The following TMCO1 variants were observed in gnomAD, a reference collection of about 807,000 sequenced individuals.
TMCO1 encodes the protein calcium load-activated calcium channel.
In TMCO1, 29 loss-of-function variants were observed where a neutral mutation model predicts 29.3. The observed-to-expected ratio is 0.99, with a 90% CI of 0.74 to 1.35. The LOEUF (loss-of-function observed/expected upper bound fraction) is 1.35. TMCO1 is among the 40% of genes most tolerant of loss of function. The pLI, the probability that TMCO1 is intolerant of heterozygous loss-of-function variation, is 0.00. For missense variants in TMCO1, 173 were observed against 225.5 expected, an observed-to-expected ratio of 0.77 and a Z score of 1.49; for synonymous variants, 80 against 77.1, an observed-to-expected ratio of 1.04 and a Z score of -0.20.
intron 5 of TMCO1, among the ~76,000 whole-genome samples, chr1:165,746,080 G>A (rs1651785176): frequency 6.6e-6 from 1 of 152,198 alleles, no homozygotes; most frequent in Non-Finnish European, 1.5e-5. Context: ...AGGAGTTTGA[G>A]ACCAGCCTGG....
intron 6 of TMCO1, among the ~76,000 whole-genome samples, chr1:165,733,481 A>G (rs928604996): frequency 1.3e-5 from 2 of 152,042 alleles, no homozygotes; most frequent in Non-Finnish European, 2.9e-5. Context: ...TGCGCCTGTA[A>G]TCCTAGCTAC....
chr1:165,730,217 T>A (rs1464635280), intron 6 of TMCO1, among the ~76,000 whole-genome samples: 2 of 150,504 alleles, frequency 1.3e-5, no homozygotes, highest in African/African-American at 4.9e-5. Context: ...GCGCCTGTAG[T>A]CCCAGCTACT....
chr1:165,727,809 C>A lies in TMCO1; in HGVS notation c.*214G>T. 1 of 500,128 alleles carries A rather than the reference C, an allele frequency of 2.0e-6. No homozygotes were observed. Among genetic ancestry groups the A allele is most frequent in the Non-Finnish European group, 3.9e-6 (1 of 257,042 alleles). 31.0% of individuals were successfully genotyped at this position (500,128 alleles called of 1,614,324 possible). A position where few individuals can be genotyped will look rare whatever the true frequency, so the allele number is the denominator to read the frequency against. On this transcript the variant is annotated 3_prime_UTR_variant, in exon 7 of 7. Transcript: ENST00000367881. ...CATTACCTGAACTTAACTAATCAAT[C>A]CACTTATTTGATAAAAATCATCTAG...
intron 6 of TMCO1, among the ~76,000 whole-genome samples, chr1:165,740,142 T>A (rs1651538035): frequency 6.6e-6 from 1 of 151,584 alleles, no homozygotes; most frequent in Non-Finnish European, 1.5e-5. Flanking sequence ...AACAACAAAC[T>A]CAGAATTGCT....
At chr1:165,752,232 A>G in intron 4 of TMCO1, 63 bp from the exon 5 acceptor site, 1 of 1,316,142 alleles carries the variant, frequency 7.6e-7, no homozygotes, top group Non-Finnish European at 1.1e-6. Flanking sequence ...AGCATATCTC[A>G]AAAGTTTTGG....
At chr1:165,731,592 A>T (rs1356805717) in intron 6 of TMCO1, among the ~76,000 whole-genome samples, 1 of 152,252 alleles carries the variant, frequency 6.6e-6, no homozygotes, top group East Asian at 1.9e-4. Flanking sequence ...GATTTAAAGA[A>T]GATGATTGAA....
chr1:165,729,718 T>G (rs1335190598), intron 6 of TMCO1, among the ~76,000 whole-genome samples: 1 of 152,162 alleles, frequency 6.6e-6, no homozygotes, highest in Non-Finnish European at 1.5e-5. Context: ...CTCAGAAAGG[T>G]ATGATGGATG....
intron 4 of TMCO1, 82 bp from the exon 5 acceptor site, chr1:165,752,251 CATTTTTTTT>C: frequency 1.0e-5 from 7 of 672,534 alleles, no homozygotes; most frequent in South Asian, 3.4e-5. Context: ...GGTTTCATGT[CATTTTTTTT>C]TTTTTTTTTT....
At chr1:165,740,494 C>G (rs546686194) in intron 6 of TMCO1, among the ~76,000 whole-genome samples, 200 of 152,182 alleles carry the variant, frequency 1.3e-3, no homozygotes, top group African/African-American at 4.7e-3. Context: ...CGTGAGCCAC[C>G]GCGCCTGGCC....
intron 6 of TMCO1, among the ~76,000 whole-genome samples, chr1:165,742,809 T>A (rs1276398663): frequency 3.9e-5 from 6 of 152,214 alleles, no homozygotes; most frequent in Admixed American, 2.0e-4. Flanking sequence ...AACTTACTTG[T>A]GCTCCTGAGC....
intron 6 of TMCO1, among the ~76,000 whole-genome samples, chr1:165,729,923 C>T (rs568863155): frequency 6.6e-6 from 1 of 152,130 alleles, no homozygotes; most frequent in South Asian, 2.1e-4. Flanking sequence ...TGAGTACCTA[C>T]TAGATATAAG....
At chr1:165,736,520 C>A (rs1174884921) in intron 6 of TMCO1, among the ~76,000 whole-genome samples, 1 of 152,098 alleles carries the variant, frequency 6.6e-6, no homozygotes, top group Non-Finnish European at 1.5e-5. Flanking sequence ...GTGTTTGAGA[C>A]TAGCCAGCCT....
At chr1:165,758,480 C>G (rs563237558) in intron 3 of TMCO1, among the ~76,000 whole-genome samples, 5 of 150,728 alleles carry the variant, frequency 3.3e-5, no homozygotes, top group Non-Finnish European at 1.5e-5. Context: ...CGCTTGAACC[C>G]GGGAGGCAGA....
At chr1:165,736,763 T>C (rs1306146442) in intron 6 of TMCO1, among the ~76,000 whole-genome samples, 1 of 151,426 alleles carries the variant, frequency 6.6e-6, no homozygotes, top group East Asian at 1.9e-4. Context: ...GAACAGGGAA[T>C]GGAGTCCAAA....
At chr1:165,730,905 C>CT (rs112597230) in intron 6 of TMCO1, among the ~76,000 whole-genome samples, 309 of 141,212 alleles carry the variant, frequency 2.2e-3, no homozygotes, top group Admixed American at 6.0e-3. Context: ...CTTTGCAATA[C>CT]TTTTTTTTTT....
At chr1:165,760,977 T>C (rs1652378801) in intron 2 of TMCO1, among the ~76,000 whole-genome samples, 1 of 152,200 alleles carries the variant, frequency 6.6e-6, no homozygotes, top group Non-Finnish European at 1.5e-5. Context: ...ACGGTATAGG[T>C]ACCATTTCTA....
downstream of TMCO1, chr1:165,724,359 C>A (rs1024685134): frequency 6.6e-6 from 3 of 453,886 alleles, no homozygotes; most frequent in African/African-American, 6.0e-5. Flanking sequence ...ACAGAGACAA[C>A]CAATAGTATG....
intron 6 of TMCO1, among the ~76,000 whole-genome samples, chr1:165,741,212 T>A (rs1651581853): frequency 6.6e-6 from 1 of 152,224 alleles, no homozygotes; most frequent in African/African-American, 2.4e-5. Flanking sequence ...CCTTTCTCCT[T>A]CACATTAAAT....
At chr1:165,759,109 C>G (rs1198572652) in intron 3 of TMCO1, among the ~76,000 whole-genome samples, 2 of 152,154 alleles carry the variant, frequency 1.3e-5, no homozygotes, top group Non-Finnish European at 2.9e-5. Flanking sequence ...CAAAATTACT[C>G]AGAAAATTTC....
Sources: allele counts gnomAD v4.1 joint callset (sites outside exome capture counted in the v4.1 genomes callset), GRCh38; gene constraint gnomAD v4.1.1; transcripts MANE v1.5; gene names NCBI Gene and HGNC (gene_info 2026-07-23, HGNC 2026-07-21).